Variants in STIM2 observed in about 807,000 individuals in gnomAD.
STIM2 encodes stromal interaction molecule 2.
In STIM2, 31 loss-of-function variants were observed where a neutral mutation model predicts 85.8. The observed-to-expected ratio is 0.36, with a 90% CI of 0.27 to 0.49. STIM2 has a LOEUF of 0.49. Ranked by LOEUF, STIM2 falls within the 20% of genes least tolerant of loss-of-function variation. The probability of loss-of-function intolerance (pLI) is 0.98; values close to 1 mark genes in which losing one functional copy is unlikely to be tolerated. For missense variants in STIM2, 841 were observed against 927.6 expected (o/e 0.91, Z 1.21); for synonymous variants, 356 against 331.1 (o/e 1.08, Z -0.82).
intron 3 of STIM2, among the ~76,000 whole-genome samples, chr4:26,983,212 T>C (rs1727464307): frequency 6.6e-6 from 1 of 152,240 alleles, no homozygotes; most frequent in Non-Finnish European, 1.5e-5. Context: ...ATCAGTCTTT[T>C]TGAGTTTGAT....
Position 26,861,257 on chromosome 4 carries a change from C to G in STIM2, c.39C>G (p.Asp13Glu). The G allele has an allele frequency of 6.8e-7, 1 of 1,480,192 alleles. No homozygotes were observed. Among genetic ancestry groups the G allele is most frequent in the Non-Finnish European group, 8.9e-7 (1 of 1,121,758 alleles). The allele number at this position is 1,480,192 out of a possible 1,614,324, so 91.7% of individuals were successfully genotyped here. ...GGCTGCTGGTAGCCGGAGCGGCGGA[C>G]GGATGCGAGCTTGTGCCCCGGCACC... Residue 13 changes from aspartate to glutamate, a missense_variant, in exon 1 of 12, where the codon GAC (aspartate) becomes GAG (glutamate). Asp to Glu is a conservative substitution (Grantham distance 45). Coordinates refer to ENST00000467087, the MANE Select transcript of STIM2 (RefSeq NM_020860.4).
chr4:26,866,726 G>A (rs1013807367), intron 1 of STIM2, among the ~76,000 whole-genome samples: 5 of 152,164 alleles, frequency 3.3e-5, no homozygotes, highest in Admixed American at 1.3e-4. Flanking sequence ...GTACTCGGCT[G>A]TATACTGGCA....
chr4:27,015,789 GTT>G (rs5856964), intron 10 of STIM2, among the ~76,000 whole-genome samples: 42 of 131,806 alleles, frequency 3.2e-4, no homozygotes, highest in South Asian at 1.4e-3. Context: ...GATTTAAACA[GTT>G]TTTTTTTTTT....
At chr4:26,950,024 G>A (rs1048161319) in intron 2 of STIM2, among the ~76,000 whole-genome samples, 1 of 152,062 alleles carries the variant, frequency 6.6e-6, no homozygotes, top group Non-Finnish European at 1.5e-5. Context: ...CTCACTTAAC[G>A]TGAAAGTAAG....
chr4:27,002,574 G>T (rs1728195359), intron 6 of STIM2, among the ~76,000 whole-genome samples, 180 bp downstream of exon 6: 1 of 152,156 alleles, frequency 6.6e-6, no homozygotes, highest in Non-Finnish European at 1.5e-5. Flanking sequence ...TTATAAATGT[G>T]TATACTTGAG....
At chr4:26,872,986 T>TTTC (rs1722681410) in intron 1 of STIM2, among the ~76,000 whole-genome samples, 1 of 151,896 alleles carries the variant, frequency 6.6e-6, no homozygotes, top group Non-Finnish European at 1.5e-5. Flanking sequence ...AATGAAAGAG[T>TTTC]ATCATTTTGA....
At chr4:26,882,480 C>T (rs1271698622) in intron 1 of STIM2, among the ~76,000 whole-genome samples, 1 of 149,790 alleles carries the variant, frequency 6.7e-6, no homozygotes, top group African/African-American at 2.5e-5. Flanking sequence ...TTTTTTGAGA[C>T]AGGGTCTGGC....
chr4:26,909,350 A>G (rs1470091512), intron 1 of STIM2, among the ~76,000 whole-genome samples: 1 of 152,200 alleles, frequency 6.6e-6, no homozygotes, highest in Non-Finnish European at 1.5e-5. Flanking sequence ...TCCATTCTAC[A>G]GGTGAGGAAA....
intron 1 of STIM2, among the ~76,000 whole-genome samples, chr4:26,883,055 G>A (rs1028336532): frequency 3.3e-5 from 5 of 149,282 alleles, no homozygotes; most frequent in Non-Finnish European, 7.4e-5. Context: ...CACCATATTG[G>A]CCAGGCTTGT....
chr4:26,990,382 C>T (rs1340485637), intron 3 of STIM2, among the ~76,000 whole-genome samples: 1 of 152,118 alleles, frequency 6.6e-6, no homozygotes, highest in Non-Finnish European at 1.5e-5. Context: ...ATAAATGGTG[C>T]TAGGAAAACT....
rs1728464798 is a variant in STIM2 at position 27,008,883 on chromosome 4, C to A, written c.1370C>A (p.Ser457Tyr). Residue 457 changes from serine to tyrosine, a missense_variant, in exon 10 of 12, where the codon TCC becomes TAC. This residue lies in a region of STIM2 where 408 missense variants were observed against 525.4 expected (regional missense o/e 0.78). Coordinates refer to ENST00000467087, the MANE Select transcript of STIM2 (RefSeq NM_020860.4). Reference sequence around the variant, plus strand: ...TCAGGACTCCCCAGCCTGACCTCTTCCCTTTATTCTGATCACAGCTGGGTG... The same window carrying A: ...TCAGGACTCCCCAGCCTGACCTCTTACCTTTATTCTGATCACAGCTGGGTG... The A allele has an allele frequency of 6.2e-7, 1 of 1,614,152 alleles. No homozygotes were observed. Among genetic ancestry groups the A allele is most frequent in the East Asian group, 2.2e-5 (1 of 44,874 alleles).
chr4:26,978,401 C>G (rs1020525911), intron 3 of STIM2, among the ~76,000 whole-genome samples: 1 of 151,520 alleles, frequency 6.6e-6, no homozygotes, highest in Non-Finnish European at 1.5e-5. Context: ...TAAAAACTAT[C>G]CCTATTTAAT....
Position 27,022,751 on chromosome 4 carries a change from C to A in STIM2, c.1996C>A (p.Pro666Thr). The change falls in exon 12 of 12, where the codon CCT becomes ACT. Residue 666 changes from proline to threonine, a missense_variant. Around this residue, in one of 3 missense-constraint regions of STIM2, gnomAD observed 293 missense variants for 284.5 expected, o/e 1.03. Transcript: ENST00000467087. ...AGAAACTAAGAGTATGATCTTCAGT[C>A]CTGCAAGCAAAGTGTACAATGGCAT... is the stretch of plus-strand genomic sequence containing the variant. 1.2e-6 allele frequency: 2 copies of A among 1,614,188 alleles called. No individual in the cohort carries two copies. The highest frequency in any genetic ancestry group is 8.5e-7 in the Non-Finnish European group (1 of 1,180,036).
chr4:26,946,756 T>C (rs898647532), intron 2 of STIM2, among the ~76,000 whole-genome samples: 1 of 152,248 alleles, frequency 6.6e-6, no homozygotes, highest in African/African-American at 2.4e-5. Context: ...AATATGCAGT[T>C]GGATAATCTG....
At position 26,860,993 on chromosome 4, in the gene STIM2, C is replaced by T. The variant is rs1337533017; in HGVS notation, c.-226C>T. ...CCGGGATCAGAGCTCCGGAGGCCGC[C>T]GGTGCCGATGGGACCAGGCTGGCGC... On this transcript the variant is annotated 5_prime_UTR_variant, in exon 1 of 12. Coordinates refer to ENST00000467087, the MANE Select transcript of STIM2 (RefSeq NM_020860.4). The T allele has an allele frequency of 7.7e-7, 1 of 1,294,616 alleles. No individual in the cohort carries two copies. Among genetic ancestry groups the T allele is most frequent in the Middle Eastern group, 2.4e-4 (1 of 4,178 alleles). The allele number at this position is 1,294,616 out of a possible 1,614,324, so 80.2% of individuals were successfully genotyped here.
At chr4:26,942,692 C>T (rs6844153) in intron 2 of STIM2, among the ~76,000 whole-genome samples, 27,031 of 152,032 alleles carry the variant, frequency 0.18, 2,631 homozygotes, top group East Asian at 0.41. Flanking sequence ...AAAACTTGAT[C>T]TTAGAGAAAC....
At chr4:26,947,901 C>G (rs115531976) in intron 2 of STIM2, among the ~76,000 whole-genome samples, 2,155 of 152,190 alleles carry the variant, frequency 0.014, 28 homozygotes, top group Non-Finnish European at 0.022. Context: ...AAGAACCTAT[C>G]CAAAGGAAAT....
intron 2 of STIM2, among the ~76,000 whole-genome samples, chr4:26,948,009 T>G (rs1725904791): frequency 6.6e-6 from 1 of 152,202 alleles, no homozygotes; most frequent in Non-Finnish European, 1.5e-5. Flanking sequence ...ATATTGCAGG[T>G]GAAAATTCCA....
intron 3 of STIM2, among the ~76,000 whole-genome samples, chr4:26,977,604 T>A (rs1041145205): frequency 1.3e-5 from 2 of 152,060 alleles, no homozygotes; most frequent in African/African-American, 4.8e-5. Flanking sequence ...TTTGAGGAAA[T>A]AGCTGGCAGG....
Sources: gnomAD v4.1 joint callset for allele counts (sites outside exome capture counted in the v4.1 genomes callset) on GRCh38, gnomAD v4.1.1 for gene constraint, gnomAD v4.1.1 regional missense constraint, MANE v1.5 for transcripts, NCBI Gene and HGNC (gene_info 2026-07-23, HGNC 2026-07-21) for gene names.